Variants in USO1 observed in about 807,000 individuals in gnomAD.
USO1 encodes the protein general vesicular transport factor p115.
USO1 carries 57 observed loss-of-function variants against 124.5 expected under a neutral mutation model. The observed-to-expected ratio is 0.46, with a 90% CI of 0.37 to 0.57. The LOEUF is 0.57. Among genes scored for constraint, USO1 ranks in the 20% least tolerant of loss-of-function variants. USO1 has a pLI of 0.00. For missense variants in USO1, 900 were observed against 1,040.6 expected (o/e 0.86, Z 1.86); for synonymous variants, 369 against 362.8 (o/e 1.02, Z -0.19).
intron 9 of USO1, among the ~76,000 whole-genome samples, chr4:75,786,272 C>T (rs573184102): frequency 6.6e-6 from 1 of 152,184 alleles, no homozygotes; most frequent in South Asian, 2.1e-4. Context: ...TCTCTTAAAT[C>T]ATTGATTACT....
At chr4:75,780,014 C>T (rs766323373) in intron 8 of USO1, among the ~76,000 whole-genome samples, 3 of 152,072 alleles carry the variant, frequency 2.0e-5, no homozygotes, top group African/African-American at 7.2e-5. Context: ...TCCTAGGACC[C>T]TTAAGAAATA....
At chr4:75,794,025 T>G (rs989135708) in intron 13 of USO1, 124 bp downstream of exon 13, 53 of 1,399,036 alleles carry the variant, frequency 3.8e-5, no homozygotes, top group Non-Finnish European at 4.7e-5. Flanking sequence ...TATTAGTTCA[T>G]CATAATCAGA....
chr4:75,751,801 C>T (rs1451288162), intron 1 of USO1, among the ~76,000 whole-genome samples: 2 of 151,540 alleles, frequency 1.3e-5, no homozygotes, highest in African/African-American at 4.8e-5. Flanking sequence ...TGTCGCACTC[C>T]AGCCTGGGGG....
chr4:75,732,876 TAAAAAAA>T lies in USO1; in HGVS notation c.66+8007_66+8013del, dbSNP rs3059597. Among the ~76,000 whole-genome samples the T allele has an allele frequency of 1.0e-3, 49 of 48,188 alleles. 2 individuals carry two copies. The highest frequency in any genetic ancestry group is 3.6e-3 in the African/African-American group (38 of 10,418). 31.6% of individuals were successfully genotyped at this position (48,188 alleles called of 152,430 possible). On this transcript the variant is annotated intron_variant, in intron 1 of 23. Coordinates refer to ENST00000514213, the MANE Select transcript of USO1 (RefSeq NM_003715.4). ...CCTGGCGACAGAGCGAGATTCCATC[TAAAAAAA>T]AAAAAAAAAAAAAAAGTCATAGTTG...
rs780095370 is a variant in USO1 at position 75,793,757 on chromosome 4, A to T, written c.1308A>T (p.Ser436=). 2 of 1,613,732 alleles carry T rather than the reference A, an allele frequency of 1.2e-6. No homozygotes were observed. Among genetic ancestry groups the T allele is most frequent in the Admixed American group, 3.3e-5 (2 of 59,988 alleles). ...CGGLFSTDSL[S]NWCAAVALAH... is the part of the protein sequence containing the mutation. Reference sequence around the variant, plus strand: ...GTTTGTTTTCTACTGATTCACTTTCAAACTGGTGTGCTGCTGTGGCCCTTG... The same window carrying T: ...GTTTGTTTTCTACTGATTCACTTTCTAACTGGTGTGCTGCTGTGGCCCTTG... The change falls in exon 13 of 24, where the codon TCA becomes TCT. Residue 436 remains serine, a synonymous_variant. Transcript: ENST00000514213.
At chr4:75,727,080 C>G (rs1720485506) in intron 1 of USO1, among the ~76,000 whole-genome samples, 1 of 152,134 alleles carries the variant, frequency 6.6e-6, no homozygotes, top group Non-Finnish European at 1.5e-5. Context: ...ACGAAGAATA[C>G]CCTTTCCTGT....
chr4:75,757,386 G>C, intron 3 of USO1, 111 bp from the exon 4 acceptor site: 2 of 985,562 alleles, frequency 2.0e-6, no homozygotes, highest in Non-Finnish European at 2.7e-6. Context: ...TATTTTCTTA[G>C]AGTATGCCTT....
At chr4:75,775,557 A>T (rs1577953951) in intron 8 of USO1, among the ~76,000 whole-genome samples, 1 of 152,044 alleles carries the variant, frequency 6.6e-6, no homozygotes, top group East Asian at 1.9e-4. Context: ...AAAAAGGGGG[A>T]TAAGGGCCCC....
intron 11 of USO1, among the ~76,000 whole-genome samples, 193 bp downstream of exon 11, chr4:75,790,431 C>G (rs962717302): frequency 2.6e-5 from 4 of 152,188 alleles, no homozygotes; most frequent in East Asian, 1.9e-4. Context: ...TACTTAGATT[C>G]AGATATCATG....
At chr4:75,776,499 C>T (rs1267332085) in intron 8 of USO1, among the ~76,000 whole-genome samples, 2 of 151,974 alleles carry the variant, frequency 1.3e-5, no homozygotes, top group Admixed American at 6.6e-5. Flanking sequence ...TTTTTGGAGG[C>T]AATTGAAGAA....
chr4:75,810,277 G>A (rs574626812), intron 21 of USO1, among the ~76,000 whole-genome samples, 155 bp from the exon 22 acceptor site: 2 of 152,260 alleles, frequency 1.3e-5, no homozygotes, highest in Admixed American at 6.5e-5. Context: ...ATCTGACAGT[G>A]GAGAGCACTT....
At chr4:75,777,672 A>G (rs1722108830) in intron 8 of USO1, among the ~76,000 whole-genome samples, 1 of 152,206 alleles carries the variant, frequency 6.6e-6, no homozygotes, top group Admixed American at 6.5e-5. Flanking sequence ...GAGGAAAACT[A>G]AAGAAAACAT....
intron 1 of USO1, among the ~76,000 whole-genome samples, chr4:75,735,170 GGTGT>G (rs1156542122): frequency 1.3e-5 from 2 of 151,716 alleles, no homozygotes; most frequent in African/African-American, 4.8e-5. Flanking sequence ...AAGGTTTTGG[GGTGT>G]GTGTGTGTGT....
intron 1 of USO1, among the ~76,000 whole-genome samples, chr4:75,749,462 G>A (rs1459310088): frequency 3.4e-5 from 3 of 88,920 alleles, no homozygotes; most frequent in East Asian, 6.7e-4. Context: ...GTGCAGTGGC[G>A]TGATCATAGC....
chr4:75,785,747 A>G (rs936161273), intron 9 of USO1, among the ~76,000 whole-genome samples: 3 of 152,146 alleles, frequency 2.0e-5, no homozygotes, highest in East Asian at 1.9e-4. Flanking sequence ...GTCCATTGTA[A>G]TAATGGTATG....
chr4:75,744,601 G>A (rs894993099), intron 1 of USO1, among the ~76,000 whole-genome samples: 1 of 152,106 alleles, frequency 6.6e-6, no homozygotes, highest in Non-Finnish European at 1.5e-5. Flanking sequence ...TGTATTTTTA[G>A]TAGAGACAAG....
rs796169356 is a variant in USO1 at position 75,726,027 on chromosome 4, ATCCCAGCACTT to A, written c.66+1144_66+1154del. 8.5e-5 allele frequency among the ~76,000 whole-genome samples: 13 copies of A among 152,294 alleles called. 1 individual carries two copies. Among genetic ancestry groups the A allele is most frequent in the African/African-American group, 2.6e-4 (11 of 41,572 alleles). On this transcript the variant is annotated intron_variant, in intron 1 of 23. Transcript: ENST00000514213. Reference sequence around the variant, plus strand: ...CCGGACGCGGTGGCTCACGCCTCTAATCCCAGCACTTTGGGAGGCTGAGGCCGGCGGATCAC... The same window carrying A: ...CCGGACGCGGTGGCTCACGCCTCTAATGGGAGGCTGAGGCCGGCGGATCAC...
At chr4:75,757,632 A>C in intron 4 of USO1, 59 bp downstream of exon 4, 3 of 1,325,022 alleles carry the variant, frequency 2.3e-6, no homozygotes, top group Non-Finnish European at 2.9e-6. Context: ...GGGTTGTGCT[A>C]ATTTTGCTGG....
At chr4:75,732,355 C>A (rs778763341) in intron 1 of USO1, among the ~76,000 whole-genome samples, 1 of 152,094 alleles carries the variant, frequency 6.6e-6, no homozygotes, top group Non-Finnish European at 1.5e-5. Context: ...TTTTTCATGT[C>A]GACATAGTAT....
Sources: gnomAD v4.1 joint callset for allele counts (sites outside exome capture counted in the v4.1 genomes callset) on GRCh38, gnomAD v4.1.1 for gene constraint, MANE v1.5 for transcripts, NCBI Gene and HGNC (gene_info 2026-07-23, HGNC 2026-07-21) for gene names.